QPCTL: variants seen among roughly 807,000 people sequenced by gnomAD.
The protein encoded by QPCTL is glutaminyl-peptide cyclotransferase-like protein.
QPCTL carries 31 observed loss-of-function variants against 34.6 expected under a neutral mutation model. That is an observed-to-expected ratio of 0.90 (90% CI 0.67 to 1.21). The LOEUF is 1.21. Among genes scored for constraint, QPCTL ranks in the 50% most tolerant of loss-of-function variants. The pLI, the probability that QPCTL is intolerant of heterozygous loss-of-function variation, is 0.00. For synonymous variants in QPCTL, 223 were observed against 226.9 expected (o/e 0.98, Z 0.15); for missense variants, 474 against 507.8 (o/e 0.93, Z 0.64).
chr19:45,695,398 CAGT>C, intron 2 of QPCTL, 36 bp from the exon 3 acceptor site: 1 of 1,572,694 alleles, frequency 6.4e-7, no homozygotes, highest in Non-Finnish European at 8.7e-7. Flanking sequence ...ACCTCCTCCC[CAGT>C]CCCCGTCCAC....
chr19:45,702,640 T>C (rs1967831804), intron 6 of QPCTL, among the ~76,000 whole-genome samples: 1 of 151,686 alleles, frequency 6.6e-6, no homozygotes, highest in Non-Finnish European at 1.5e-5. Context: ...GGTGCCTGCC[T>C]ATAATCCCAG....
Position 45,698,544 on chromosome 19 carries a change from C to G in QPCTL, c.634-3C>G. ...TCTGGCCACCCCCCTGCTGCTCCCA[C>G]AGGCAGCCCCGGTGACCCTGCAACT... On this transcript the variant is annotated splice_polypyrimidine_tract_variant and splice_region_variant and intron_variant, in intron 3 of 6. Transcript: ENST00000012049. The G allele has an allele frequency of 6.2e-7, 1 of 1,613,818 alleles. No individual in the cohort carries two copies. Among genetic ancestry groups the G allele is most frequent in the Non-Finnish European group, 8.5e-7 (1 of 1,179,928 alleles).
intron 3 of QPCTL, among the ~76,000 whole-genome samples, chr19:45,696,556 C>T (rs994237864): frequency 6.6e-6 from 1 of 151,248 alleles, no homozygotes; most frequent in African/African-American, 2.4e-5. Context: ...CACCACTGCA[C>T]TCCAGCCTGG....
chr19:45,700,948 ACT>A (rs1428368164), intron 5 of QPCTL, among the ~76,000 whole-genome samples: 24 of 131,852 alleles, frequency 1.8e-4, no homozygotes, highest in African/African-American at 6.3e-4. Context: ...ACAGAGCAAG[ACT>A]CTGTCTCAAA....
intron 1 of QPCTL, 93 bp downstream of exon 1, chr19:45,693,003 C>T (rs970432737): frequency 1.6e-6 from 2 of 1,268,450 alleles, no homozygotes; most frequent in South Asian, 1.4e-5. Context: ...ACGGCCCTAA[C>T]CGCAGATGCC....
chr19:45,693,304 A>G, intron 1 of QPCTL, 109 bp from the exon 2 acceptor site: 1 of 1,367,618 alleles, frequency 7.3e-7, no homozygotes, highest in Middle Eastern at 2.7e-4. Context: ...TGGAGGCGGC[A>G]GATTAGGAAG....
intron 3 of QPCTL, among the ~76,000 whole-genome samples, chr19:45,696,100 C>T (rs1967689740): frequency 6.6e-6 from 1 of 152,050 alleles, no homozygotes; most frequent in South Asian, 2.1e-4. Context: ...CCTCCCAGGG[C>T]TCCCGCCTCA....
At chr19:45,694,170 A>G (rs1251315564) in intron 2 of QPCTL, among the ~76,000 whole-genome samples, 1 of 152,144 alleles carries the variant, frequency 6.6e-6, no homozygotes, top group Non-Finnish European at 1.5e-5. Context: ...CCTCGAGATC[A>G]GGAGTTTGAG....
chr19:45,699,029 A>AACT, intron 5 of QPCTL, 129 bp downstream of exon 5: 1 of 508,440 alleles, frequency 2.0e-6, no homozygotes, highest in Non-Finnish European at 3.1e-6. Flanking sequence ...GGGAGACCCC[A>AACT]TCTTTTTTTT....
intron 1 of QPCTL, 49 bp from the exon 2 acceptor site, chr19:45,693,363 TG>T (rs752667717): frequency 6.4e-6 from 10 of 1,560,328 alleles, no homozygotes; most frequent in South Asian, 1.2e-5. Flanking sequence ...AGGGTTGAAA[TG>T]GGGGGGTTGC....
chr19:45,701,627 T>A (rs1316360042), intron 5 of QPCTL, among the ~76,000 whole-genome samples, 171 bp from the exon 6 acceptor site: 9 of 152,140 alleles, frequency 5.9e-5, no homozygotes, highest in Admixed American at 5.2e-4. Flanking sequence ...CTCTGAGGGA[T>A]TGAATGAGAC....
In QPCTL at chr19:45,703,277, C is replaced by T. The variant is rs908700004; in HGVS notation, c.*228C>T. Reference sequence around the variant, plus strand: ...GGGATGACAGCCAGAGGAATAAGAACTTGCTCCCTCCCCAGAGGTAAACAC... The same window carrying T: ...GGGATGACAGCCAGAGGAATAAGAATTTGCTCCCTCCCCAGAGGTAAACAC... On this transcript the variant is annotated 3_prime_UTR_variant, in exon 7 of 7. Transcript: ENST00000012049. 3 of 569,970 alleles carry T rather than the reference C, an allele frequency of 5.3e-6. No individual in the cohort carries two copies. The highest frequency in any genetic ancestry group is 3.8e-5 in the African/African-American group (2 of 53,168). The allele number at this position is 569,970 out of a possible 1,614,324, so 35.3% of individuals were successfully genotyped here. A position where few individuals can be genotyped will look rare whatever the true frequency, so the allele number is the denominator to read the frequency against.
rs1421865722 is a variant in QPCTL at position 45,693,428 on chromosome 19, A to G, written c.223A>G (p.Ser75Gly). 4.3e-6 allele frequency: 7 copies of G among 1,611,148 alleles called. No individual in the cohort carries two copies. The highest frequency in any genetic ancestry group is 1.3e-5 in the African/African-American group (1 of 74,828). Residue 75 changes from serine (S) to glycine (G), a missense_variant, in exon 2 of 7, where the codon AGC becomes GGC. By Grantham distance (56) the Ser-to-Gly change is moderately conservative (BLOSUM62 0). Transcript: ENST00000012049. ...CCTTCCCAAGGTCCCATTGATCGGA[A>G]GCCTCCCCGAAGCCCGGCTGCGGAG... ...GRELRVPLIG[S>G]LPEARLRRVV...
chr19:45,701,976 C>T, intron 6 of QPCTL, 62 bp downstream of exon 6: 1 of 1,359,032 alleles, frequency 7.4e-7, no homozygotes, highest in Non-Finnish European at 1.0e-6. Context: ...TGGAACTGGC[C>T]AAGTCCCCTT....
At chr19:45,701,981 C>A in intron 6 of QPCTL, 67 bp downstream of exon 6, 1 of 1,329,406 alleles carries the variant, frequency 7.5e-7, no homozygotes, top group Non-Finnish European at 1.1e-6. Flanking sequence ...CTGGCCAAGT[C>A]CCCTTCCCAG....
rs1481538408 is a variant in QPCTL, at chr19:45,702,896, C to T, written c.1004-8C>T. On this transcript the variant is annotated splice_polypyrimidine_tract_variant and splice_region_variant and intron_variant, in intron 6 of 6. Coordinates refer to ENST00000012049, the MANE Select transcript of QPCTL (RefSeq NM_017659.4). ...GTGGACCTGACAAAGTCTCCTCTGT[C>T]ACTTCAGGGGTACCCGTGCTCCATC... 6.2e-7 allele frequency: 1 copy of T among 1,614,072 alleles called. No individual in the cohort carries two copies. Among genetic ancestry groups the T allele is most frequent in the Non-Finnish European group, 8.5e-7 (1 of 1,179,980 alleles).
chr19:45,694,423 C>T (rs181344902), intron 2 of QPCTL, among the ~76,000 whole-genome samples: 9 of 152,136 alleles, frequency 5.9e-5, no homozygotes, highest in Admixed American at 4.6e-4. Context: ...CCAATGCTAC[C>T]TCATCCACTT....
rs35311735 is a variant in QPCTL, at chr19:45,701,114, G to GCACACA, written c.887-669_887-664dup. Among the ~76,000 whole-genome samples, 549 of 149,716 alleles carry GCACACA rather than the reference G, an allele frequency of 3.7e-3. 2 individuals carry two copies. The highest frequency in any genetic ancestry group is 0.011 in the African/African-American group (451 of 40,856). On this transcript the variant is annotated intron_variant, in intron 5 of 6. Coordinates refer to ENST00000012049, the MANE Select transcript of QPCTL (RefSeq NM_017659.4). ...GAAGATCCCATTTCTACACACACGCGCACACACACACACACACACAATTAC... is the reference window on the plus strand; with the variant it reads ...GAAGATCCCATTTCTACACACACGCGCACACACACACACACACACACACACAATTAC...
chr19:45,701,368 C>T (rs980420526), intron 5 of QPCTL, among the ~76,000 whole-genome samples: 4 of 151,900 alleles, frequency 2.6e-5, no homozygotes, highest in Non-Finnish European at 5.9e-5. Flanking sequence ...CTCCACCTCC[C>T]AGGTTCAAGC....
Sources: allele counts gnomAD v4.1 joint callset (sites outside exome capture counted in the v4.1 genomes callset), GRCh38; gene constraint gnomAD v4.1.1; transcripts MANE v1.5; gene names NCBI Gene and HGNC (gene_info 2026-07-23, HGNC 2026-07-21).